The following GZMK variants were observed in gnomAD, a reference collection of about 807,000 sequenced individuals.
GZMK encodes the protein NK-Tryp-2.
GZMK carries 18 observed loss-of-function variants against 22.8 expected under a neutral mutation model. The ratio of observed to expected loss-of-function variants is 0.79; its 90% CI spans 0.54 to 1.17. The LOEUF (loss-of-function observed/expected upper bound fraction) is 1.17, where lower values mean the gene tolerates loss of function less well. Ranked by LOEUF, GZMK falls within the 50% of genes most tolerant of loss-of-function variation. The probability of loss-of-function intolerance (pLI) is 0.00; values close to 1 mark genes in which losing one functional copy is unlikely to be tolerated. For synonymous variants in GZMK, 136 were observed against 115.0 expected (o/e 1.18, Z -1.17); for missense variants, 342 against 320.2 (o/e 1.07, Z -0.52).
chr5:55,028,127 G>GAGTAAATT (rs1561257413), intron 2 of GZMK: 1 of 152,156 alleles, frequency 6.6e-6, no homozygotes, highest in Non-Finnish European at 1.5e-5. Flanking sequence ...ATAACTAGCC[G>GAGTAAATT]AGTAAATTAG....
intron 2 of GZMK, chr5:55,025,728 T>C (rs959837132): frequency 6.6e-6 from 1 of 152,258 alleles, no homozygotes; most frequent in African/African-American, 2.4e-5. Flanking sequence ...AGATCTCTCT[T>C]AGCTGTAATG....
Position 55,031,360 on chromosome 5 carries a change from T to A in GZMK, c.364-4T>A, listed in dbSNP as rs776632763. The stretch of plus-strand genomic sequence containing the variant: ...AATAATTCCATCTTTTTTCAATCTG[T>A]CAGCTTCAAACAGCCGCAAAACTCA... On this transcript the variant is annotated splice_polypyrimidine_tract_variant and splice_region_variant and intron_variant, in intron 3 of 4. Transcript: ENST00000231009. 2.5e-6 allele frequency: 4 copies of A among 1,610,090 alleles called. No individual in the cohort carries two copies. In the South Asian group the frequency reaches 3.3e-5, roughly 13 times the overall value.
At chr5:55,024,517 C>A in intron 1 of GZMK, 131 bp downstream of exon 1, 3 of 782,378 alleles carry the variant, frequency 3.8e-6, no homozygotes, top group South Asian at 1.8e-5. Flanking sequence ...ACAAATTTTT[C>A]ATCAGTAAAA....
intron 2 of GZMK, among the ~76,000 whole-genome samples, chr5:55,027,181 T>C (rs952934079): frequency 6.6e-6 from 1 of 152,190 alleles, no homozygotes; most frequent in Non-Finnish European, 1.5e-5. Flanking sequence ...GCGGTTTAAA[T>C]GAGGGAAGCT....
intron 2 of GZMK, chr5:55,027,620 G>T (rs1741159402): frequency 6.6e-6 from 1 of 152,184 alleles, no homozygotes; most frequent in Non-Finnish European, 1.5e-5. Flanking sequence ...TCTTTTACTG[G>T]TAAGGAATAC....
At chr5:55,025,185 A>G (rs1057095590) in intron 2 of GZMK, 2 of 159,018 alleles carry the variant, frequency 1.3e-5, no homozygotes, top group African/African-American at 4.8e-5. Context: ...AGGGGTAATA[A>G]TCATATCATA....
Position 55,030,490 on chromosome 5 carries a change from A to G in GZMK, c.269A>G (p.Asn90Ser). 6.2e-7 allele frequency: 1 copy of G among 1,613,438 alleles called. No homozygotes were observed. Among genetic ancestry groups the G allele is most frequent in the Non-Finnish European group, 8.5e-7 (1 of 1,179,352 alleles). ...VVLGAHSLSK[N>S]EASKQTLEIK... is the part of the protein sequence containing the mutation. The stretch of plus-strand genomic sequence containing the variant: ...TTAGGCGCACACTCTCTCTCAAAGA[A>G]TGAGGCCTCCAAACAAACACTGGAG... Residue 90 changes from asparagine to serine, a missense_variant, in exon 3 of 5, where the codon AAT becomes AGT. Coordinates refer to ENST00000231009, the MANE Select transcript of GZMK (RefSeq NM_002104.3).
At chr5:55,026,274 T>C (rs1741142147) in intron 2 of GZMK, among the ~76,000 whole-genome samples, 1 of 152,168 alleles carries the variant, frequency 6.6e-6, no homozygotes, top group Admixed American at 6.5e-5. Flanking sequence ...AGCCATAAAG[T>C]GTTATAGGAA....
intron 2 of GZMK, chr5:55,025,802 T>C (rs927489768): frequency 6.6e-6 from 1 of 152,238 alleles, no homozygotes; most frequent in Non-Finnish European, 1.5e-5. Context: ...TTTTCTATGC[T>C]TTGGGGGTTT....
chr5:55,025,416 A>G (rs974674254), intron 2 of GZMK, among the ~76,000 whole-genome samples: 3 of 152,210 alleles, frequency 2.0e-5, no homozygotes, highest in Non-Finnish European at 4.4e-5. Context: ...TTCTAGAAAG[A>G]GAAAGATAAT....
At chr5:55,033,648 C>A in intron 4 of GZMK, 117 bp from the exon 5 acceptor site, 1 of 696,312 alleles carries the variant, frequency 1.4e-6, no homozygotes, top group Non-Finnish European at 2.4e-6. Context: ...CTCTTCTGGA[C>A]ATAAAGAAAG....
chr5:55,033,542 A>G (rs1474472601), intron 4 of GZMK, among the ~76,000 whole-genome samples: 1 of 152,234 alleles, frequency 6.6e-6, no homozygotes, highest in East Asian at 1.9e-4. Context: ...AGTCATAGAT[A>G]GAGACATAAA....
chr5:55,032,951 G>A (rs2111621567), intron 4 of GZMK, among the ~76,000 whole-genome samples: 1 of 152,284 alleles, frequency 6.6e-6, no homozygotes, highest in South Asian at 2.1e-4. Context: ...TTGTGCATCT[G>A]CAGTACCCAA....
In GZMK at chr5:55,033,950, C is replaced by A. The variant is rs750913960; in HGVS notation, c.*24C>A. 1.2e-5 allele frequency: 19 copies of A among 1,590,576 alleles called. No individual in the cohort carries two copies. Among genetic ancestry groups the A allele is most frequent in the Non-Finnish European group, 1.5e-5 (18 of 1,166,802 alleles). On this transcript the variant is annotated 3_prime_UTR_variant, in exon 5 of 5. Coordinates refer to ENST00000231009, the MANE Select transcript of GZMK (RefSeq NM_002104.3). ...AAGTTACAAATAATTTTATTGGATG[C>A]ACTTGCTTCTTTTTTCCTAATATGC...
intron 4 of GZMK, among the ~76,000 whole-genome samples, chr5:55,032,893 A>T (rs1458203721): frequency 1.3e-5 from 2 of 152,248 alleles, no homozygotes; most frequent in Non-Finnish European, 2.9e-5. Flanking sequence ...TTCATCTCAT[A>T]CTATATTAAG....
intron 2 of GZMK, chr5:55,028,406 T>C (rs1188009065): frequency 6.6e-6 from 1 of 152,218 alleles, no homozygotes; most frequent in Non-Finnish European, 1.5e-5. Context: ...CCGGTCCTGA[T>C]TTTGCAATAG....
chr5:55,026,417 G>GTTT (rs148349793), intron 2 of GZMK, among the ~76,000 whole-genome samples: 8 of 149,582 alleles, frequency 5.3e-5, no homozygotes, highest in Admixed American at 1.3e-4. Context: ...TTTGTGTTTT[G>GTTT]TTTTTTTTTT....
At position 55,034,103 on chromosome 5, in the gene GZMK, G is replaced by A. The variant is rs1741280101; in HGVS notation, c.*177G>A. On this transcript the variant is annotated 3_prime_UTR_variant, in exon 5 of 5. Transcript: ENST00000231009. The stretch of plus-strand genomic sequence containing the variant: ...TCACTGATGTATTTCTACCATGCTG[G>A]TTTTATTCTAAATAAAATTTAGAAG... The A allele has an allele frequency of 1.9e-6, 1 of 522,426 alleles. No homozygotes were observed. Among genetic ancestry groups the A allele is most frequent in the Admixed American group, 3.7e-5 (1 of 26,922 alleles). The allele number at this position is 522,426 out of a possible 1,614,324, so 32.4% of individuals were successfully genotyped here. A position where few individuals can be genotyped will look rare whatever the true frequency, so the allele number is the denominator to read the frequency against.
intron 4 of GZMK, among the ~76,000 whole-genome samples, chr5:55,032,941 T>C (rs1360134916): frequency 1.3e-5 from 2 of 152,218 alleles, no homozygotes; most frequent in Admixed American, 6.5e-5. Flanking sequence ...TTCAAATGTC[T>C]TGTGCATCTG....
Sources: allele counts gnomAD v4.1 joint callset (sites outside exome capture counted in the v4.1 genomes callset), GRCh38; gene constraint gnomAD v4.1.1; transcripts MANE v1.5; gene names NCBI Gene and HGNC (gene_info 2026-07-23, HGNC 2026-07-21).